Variants in GRM3 observed in about 807,000 individuals in gnomAD.
The protein encoded by GRM3 is glutamate metabotropic receptor 3, also known as metabotropic glutamate receptor 3.
Under a neutral mutation model 70.5 loss-of-function variants are expected in GRM3, and 26 were observed. The observed-to-expected ratio is 0.37, with a 90% confidence interval of 0.27 to 0.51. GRM3 has a LOEUF of 0.51. GRM3 is among the 20% of genes least tolerant of loss of function. The probability of loss-of-function intolerance (pLI) is 0.93; values close to 1 mark genes in which losing one functional copy is unlikely to be tolerated. For missense variants in GRM3, 859 were observed against 1,123.8 expected, an observed-to-expected ratio of 0.76 and a Z score of 3.37; for synonymous variants, 443 against 434.9, an observed-to-expected ratio of 1.02 and a Z score of -0.23.
At chr7:86,657,306 C>T (rs1166964278) in intron 1 of GRM3, among the ~76,000 whole-genome samples, 2 of 152,130 alleles carry the variant, frequency 1.3e-5, no homozygotes, top group East Asian at 3.8e-4. Flanking sequence ...GCATGTGTAC[C>T]TACAGTAACA....
intron 3 of GRM3, among the ~76,000 whole-genome samples, chr7:86,796,510 T>C (rs1003975028): frequency 1.3e-5 from 2 of 152,304 alleles, no homozygotes; most frequent in East Asian, 3.9e-4. Context: ...GCTGCCACCT[T>C]TGTTTTTTTT....
At chr7:86,742,897 T>G (rs1372937655) in intron 1 of GRM3, among the ~76,000 whole-genome samples, 1 of 152,168 alleles carries the variant, frequency 6.6e-6, no homozygotes, top group Admixed American at 6.6e-5. Flanking sequence ...AGGTATTTAC[T>G]ATATGTGACT....
chr7:86,859,589 A>C (rs1798916274), intron 5 of GRM3, among the ~76,000 whole-genome samples: 1 of 152,210 alleles, frequency 6.6e-6, no homozygotes, highest in East Asian at 1.9e-4. Flanking sequence ...ATCAGAAGCA[A>C]GGAAATGGAA....
intron 1 of GRM3, among the ~76,000 whole-genome samples, chr7:86,694,680 G>T (rs779725258): frequency 8.6e-5 from 13 of 151,922 alleles, no homozygotes; most frequent in Non-Finnish European, 1.8e-4. Flanking sequence ...CTGATCCATG[G>T]TATATTTATT....
chr7:86,799,317 C>T (rs1421435751), intron 3 of GRM3, among the ~76,000 whole-genome samples: 1 of 152,192 alleles, frequency 6.6e-6, no homozygotes, highest in Non-Finnish European at 1.5e-5. Flanking sequence ...GACTTCCTCT[C>T]TTCCTATTTG....
chr7:86,763,866 G>T (rs555710515), intron 1 of GRM3, among the ~76,000 whole-genome samples: 12 of 152,204 alleles, frequency 7.9e-5, no homozygotes, highest in African/African-American at 2.6e-4. Context: ...CAGTGCTTTG[G>T]GGGGTGGTAG....
At chr7:86,662,466 G>C (rs928138709) in intron 1 of GRM3, among the ~76,000 whole-genome samples, 1 of 151,374 alleles carries the variant, frequency 6.6e-6, no homozygotes, top group South Asian at 2.1e-4. Flanking sequence ...TAATGAGCAG[G>C]GCATATTACC....
At chr7:86,685,328 T>C (rs1438385293) in intron 1 of GRM3, among the ~76,000 whole-genome samples, 1 of 152,180 alleles carries the variant, frequency 6.6e-6, no homozygotes, top group Non-Finnish European at 1.5e-5. Context: ...ATATTACCAG[T>C]AAAACTTACA....
chr7:86,733,876 A>C (rs1795796274), intron 1 of GRM3, among the ~76,000 whole-genome samples: 1 of 152,216 alleles, frequency 6.6e-6, no homozygotes, highest in Non-Finnish European at 1.5e-5. Context: ...AGTGGCTCCA[A>C]GCGAAGCACG....
At chr7:86,684,172 C>G (rs1169092738) in intron 1 of GRM3, among the ~76,000 whole-genome samples, 1 of 152,100 alleles carries the variant, frequency 6.6e-6, no homozygotes, top group Non-Finnish European at 1.5e-5. Flanking sequence ...AACATTATAG[C>G]CTTGCTCTTG....
chr7:86,758,383 A>C (rs1020660961), intron 1 of GRM3, among the ~76,000 whole-genome samples: 2 of 152,132 alleles, frequency 1.3e-5, no homozygotes, highest in African/African-American at 4.8e-5. Context: ...TGAAACTTCT[A>C]TTAGACTTTG....
chr7:86,670,831 A>G (rs1794153017), intron 1 of GRM3, among the ~76,000 whole-genome samples: 1 of 152,064 alleles, frequency 6.6e-6, no homozygotes, highest in South Asian at 2.1e-4. Context: ...ATTTCCTTAC[A>G]CATTCTCTAA....
intron 2 of GRM3, among the ~76,000 whole-genome samples, chr7:86,784,854 A>AAGAT (rs1268843768): frequency 1.3e-5 from 2 of 152,210 alleles, no homozygotes; most frequent in Non-Finnish European, 2.9e-5. Flanking sequence ...AAAGATATAG[A>AAGAT]AGATATTTTT....
At chr7:86,833,432 A>G (rs1020594140) in intron 3 of GRM3, among the ~76,000 whole-genome samples, 2 of 152,186 alleles carry the variant, frequency 1.3e-5, no homozygotes, top group Admixed American at 6.5e-5. Flanking sequence ...AAAAAGAACT[A>G]TACAACTGAT....
chr7:86,842,973 A>C (rs1042068585), intron 4 of GRM3, among the ~76,000 whole-genome samples: 2 of 152,156 alleles, frequency 1.3e-5, no homozygotes, highest in Non-Finnish European at 2.9e-5. Context: ...TTCTGGAGAC[A>C]GGACAGGAAA....
At chr7:86,772,521 C>T (rs1796772579) in intron 2 of GRM3, among the ~76,000 whole-genome samples, 1 of 152,060 alleles carries the variant, frequency 6.6e-6, no homozygotes, top group South Asian at 2.1e-4. Context: ...GGTTCCATTC[C>T]AATTGTACTT....
intron 1 of GRM3, among the ~76,000 whole-genome samples, chr7:86,747,583 A>C (rs925929184): frequency 6.6e-6 from 1 of 152,062 alleles, no homozygotes; most frequent in African/African-American, 2.4e-5. Context: ...AGAAGTACAC[A>C]AACAGATCAA....
chr7:86,742,759 G>A (rs1796017714), intron 1 of GRM3, among the ~76,000 whole-genome samples: 1 of 152,080 alleles, frequency 6.6e-6, no homozygotes, highest in African/African-American at 2.4e-5. Flanking sequence ...GATTAAAGGT[G>A]ACCTTTGCAA....
intron 1 of GRM3, among the ~76,000 whole-genome samples, chr7:86,739,270 C>G (rs1331298611): frequency 6.6e-6 from 1 of 152,216 alleles, no homozygotes; most frequent in Non-Finnish European, 1.5e-5. Flanking sequence ...AGCCACCGCT[C>G]CCAGCCTACA....
Sources: allele counts gnomAD v4.1 joint callset (sites outside exome capture counted in the v4.1 genomes callset), GRCh38; gene constraint gnomAD v4.1.1; transcripts MANE v1.5; gene names NCBI Gene and HGNC (gene_info 2026-07-23, HGNC 2026-07-21).